QRICH1: variants seen among roughly 807,000 people sequenced by gnomAD.
QRICH1 encodes the protein transcriptional regulator QRICH1.
A neutral mutation model predicts 87.1 loss-of-function variants in QRICH1; 16 were observed. The ratio of observed to expected loss-of-function variants is 0.18; its 90% CI spans 0.12 to 0.28. The LOEUF (loss-of-function observed/expected upper bound fraction) is 0.28. Ranked by LOEUF, QRICH1 falls within the 10% of genes least tolerant of loss-of-function variation. The pLI is 1.00. For synonymous variants in QRICH1, 367 were observed against 368.4 expected (o/e 1.00, Z 0.05); for missense variants, 647 against 951.7 (o/e 0.68, Z 4.21).
intron 2 of QRICH1, among the ~76,000 whole-genome samples, chr3:49,061,360 C>G (rs1031586360): frequency 1.4e-4 from 22 of 152,008 alleles, no homozygotes; most frequent in Non-Finnish European, 2.9e-5. Flanking sequence ...ATAATTTAAT[C>G]TGAGCAATAT....
chr3:49,077,976 G>A (rs184116961), intron 1 of QRICH1, among the ~76,000 whole-genome samples: 25 of 152,270 alleles, frequency 1.6e-4, no homozygotes, highest in African/African-American at 5.5e-4. Context: ...CTCATCATCT[G>A]AGGGAAAAGT....
At chr3:49,081,386 C>T (rs1014351043) in intron 1 of QRICH1, among the ~76,000 whole-genome samples, 1 of 150,818 alleles carries the variant, frequency 6.6e-6, no homozygotes, top group African/African-American at 2.4e-5. Context: ...CACTGCCCTC[C>T]AGCCTAGGCA....
At chr3:49,043,753 G>T (rs1368251357) in intron 6 of QRICH1, among the ~76,000 whole-genome samples, 1 of 151,432 alleles carries the variant, frequency 6.6e-6, no homozygotes, top group Non-Finnish European at 1.5e-5. Context: ...CCTGAATTGG[G>T]ACCTGGGAGG....
intron 1 of QRICH1, among the ~76,000 whole-genome samples, chr3:49,079,815 G>A (rs2042023601): frequency 1.3e-5 from 2 of 152,160 alleles, no homozygotes; most frequent in South Asian, 4.1e-4. Context: ...GATCACCTGA[G>A]GTCAGGAGTT....
At chr3:49,053,314 T>C (rs868861477) in intron 3 of QRICH1, among the ~76,000 whole-genome samples, 13 of 151,840 alleles carry the variant, frequency 8.6e-5, no homozygotes, top group African/African-American at 3.1e-4. Flanking sequence ...TGGTGAAACC[T>C]TGTCTCTACT....
chr3:49,041,855 C>T (rs2093312166), intron 6 of QRICH1, among the ~76,000 whole-genome samples: 1 of 151,932 alleles, frequency 6.6e-6, no homozygotes, highest in Non-Finnish European at 1.5e-5. Flanking sequence ...GTCTCGATCT[C>T]CTGATATCAT....
At chr3:49,046,730 A>T in intron 4 of QRICH1, 151 bp from the exon 5 acceptor site, 1 of 910,828 alleles carries the variant, frequency 1.1e-6, no homozygotes, top group South Asian at 1.8e-5. Context: ...ACTGGCCTAT[A>T]ACATGAGTAT....
intron 2 of QRICH1, among the ~76,000 whole-genome samples, chr3:49,070,559 G>A (rs1025124758): frequency 2.6e-5 from 4 of 151,776 alleles, no homozygotes; most frequent in African/African-American, 9.7e-5. Context: ...TCAGCCTTCT[G>A]AGTAGCTGGG....
chr3:49,041,969 TTA>T (rs2093312871), intron 6 of QRICH1, among the ~76,000 whole-genome samples: 1 of 151,700 alleles, frequency 6.6e-6, no homozygotes, highest in African/African-American at 2.4e-5. Flanking sequence ...AGACAACGTT[TTA>T]TGTGTTGGCC....
chr3:49,087,818 C>CAAAA (rs58022360), intron 1 of QRICH1, among the ~76,000 whole-genome samples: 44 of 47,614 alleles, frequency 9.2e-4, no homozygotes, highest in South Asian at 3.7e-3. Flanking sequence ...AGGTTCATCT[C>CAAAA]AAAAAAAAAA....
At chr3:49,069,986 A>C (rs931615583) in intron 2 of QRICH1, among the ~76,000 whole-genome samples, 1 of 152,032 alleles carries the variant, frequency 6.6e-6, no homozygotes, top group Admixed American at 6.6e-5. Context: ...GGGCACTCTA[A>C]GAACTGCCCC....
At position 49,066,525 on chromosome 3, in the gene QRICH1, C is replaced by T. The variant is rs368984710; in HGVS notation, c.310-8635G>A. 1.7e-4 allele frequency among the ~76,000 whole-genome samples: 26 copies of T among 150,180 alleles called. No homozygotes were observed. The East Asian group carries it at 2.6e-3, about 15-fold the overall frequency. On this transcript the variant is annotated intron_variant, in intron 2 of 9. Coordinates refer to ENST00000395443, the MANE Select transcript of QRICH1 (RefSeq NM_198880.3). The stretch of plus-strand genomic sequence containing the variant: ...TGTCGCCTAGGCTGGAATGCAGTGG[C>T]GCAATCTTGGCTCACTGCAACCTCC...
chr3:49,061,040 A>G (rs1167135993), intron 2 of QRICH1, among the ~76,000 whole-genome samples: 1 of 145,826 alleles, frequency 6.9e-6, no homozygotes, highest in Non-Finnish European at 1.5e-5. Context: ...TGAGAGGCTG[A>G]GGCAGAATAG....
intron 1 of QRICH1, among the ~76,000 whole-genome samples, chr3:49,082,898 A>G (rs1368401873): frequency 1.3e-5 from 2 of 149,184 alleles, no homozygotes. Flanking sequence ...GCGTCTCAAA[A>G]AAAAAAAAAA....
intron 2 of QRICH1, among the ~76,000 whole-genome samples, chr3:49,071,727 T>C (rs2041832066): frequency 6.6e-6 from 1 of 152,142 alleles, no homozygotes; most frequent in Admixed American, 6.5e-5. Context: ...TTCCTGTCCT[T>C]AGTGTAAAAG....
At chr3:49,038,314 G>T (rs2093288198) in intron 6 of QRICH1, among the ~76,000 whole-genome samples, 1 of 151,956 alleles carries the variant, frequency 6.6e-6, no homozygotes, top group South Asian at 2.1e-4. Context: ...ACCCGCTTCG[G>T]CCTCCCAAAG....
At chr3:49,089,654 T>TA (rs778224948) in intron 1 of QRICH1, among the ~76,000 whole-genome samples, 4 of 152,116 alleles carry the variant, frequency 2.6e-5, no homozygotes, top group African/African-American at 9.7e-5. Flanking sequence ...GAATACTACA[T>TA]AAAAAATGGA....
At chr3:49,041,773 G>A (rs915046512) in intron 6 of QRICH1, among the ~76,000 whole-genome samples, 2 of 151,928 alleles carry the variant, frequency 1.3e-5, no homozygotes, top group Admixed American at 1.3e-4. Flanking sequence ...TGGGACTACA[G>A]GCACATGCCA....
intron 9 of QRICH1, 68 bp from the exon 10 acceptor site, chr3:49,030,712 C>T (rs2106803122): frequency 7.4e-7 from 1 of 1,342,526 alleles, no homozygotes; most frequent in South Asian, 1.5e-5. Flanking sequence ...CTGAACTTCC[C>T]AGACAGATGC....
Sources: gnomAD v4.1 joint callset for allele counts (sites outside exome capture counted in the v4.1 genomes callset) on GRCh38, gnomAD v4.1.1 for gene constraint, MANE v1.5 for transcripts, NCBI Gene and HGNC (gene_info 2026-07-23, HGNC 2026-07-21) for gene names.